The following ZNF438 variants were observed in gnomAD, a reference collection of about 807,000 sequenced individuals.
The protein encoded by ZNF438 is zinc finger protein 438.
Under a neutral mutation model 38.0 loss-of-function variants are expected in ZNF438, and 25 were observed. That is an observed-to-expected ratio of 0.66 (90% CI 0.48 to 0.92). The LOEUF (loss-of-function observed/expected upper bound fraction) is 0.92. Among genes scored for constraint, ZNF438 ranks in the 40% least tolerant of loss-of-function variants. The probability of loss-of-function intolerance (pLI) is 0.00; values close to 1 mark genes in which losing one functional copy is unlikely to be tolerated. For missense variants in ZNF438, 1,007 were observed against 999.6 expected (o/e 1.01, Z -0.10); for synonymous variants, 372 against 364.1 (o/e 1.02, Z -0.25).
At chr10:30,883,507 G>A (rs567163271) in intron 3 of ZNF438, among the ~76,000 whole-genome samples, 1 of 152,032 alleles carries the variant, frequency 6.6e-6, no homozygotes, top group South Asian at 2.1e-4. Flanking sequence ...TTATAATAAA[G>A]CCATTTTTAA....
At chr10:30,937,790 T>C (rs2046406461) in intron 2 of ZNF438, among the ~76,000 whole-genome samples, 1 of 152,242 alleles carries the variant, frequency 6.6e-6, no homozygotes, top group African/African-American at 2.4e-5. Context: ...GTTTCTTATT[T>C]CTCTTCCATT....
At chr10:30,991,946 A>G (rs2053548289) in intron 1 of ZNF438, among the ~76,000 whole-genome samples, 1 of 152,180 alleles carries the variant, frequency 6.6e-6, no homozygotes, top group South Asian at 2.1e-4. Context: ...CTGCCCCAAG[A>G]TCAACTCCTA....
intron 2 of ZNF438, among the ~76,000 whole-genome samples, chr10:30,931,829 G>A (rs2045732346): frequency 6.6e-6 from 1 of 152,160 alleles, no homozygotes; most frequent in Non-Finnish European, 1.5e-5. Context: ...GTGGAAAAAT[G>A]AAATAATATA....
chr10:31,005,481 C>G (rs2055041707), intron 1 of ZNF438, among the ~76,000 whole-genome samples: 1 of 151,876 alleles, frequency 6.6e-6, no homozygotes, highest in African/African-American at 2.4e-5. Flanking sequence ...ACTTAGAGAA[C>G]AAAATGATGG....
intron 1 of ZNF438, among the ~76,000 whole-genome samples, chr10:31,002,804 T>G (rs2054784769): frequency 6.6e-6 from 1 of 152,200 alleles, no homozygotes. Flanking sequence ...GGCCCTGAAA[T>G]GGCTATGACC....
At chr10:30,878,644 G>A (rs2038798701) in intron 3 of ZNF438, among the ~76,000 whole-genome samples, 1 of 152,014 alleles carries the variant, frequency 6.6e-6, no homozygotes, top group Non-Finnish European at 1.5e-5. Context: ...CAAGACAAGG[G>A]GCCCACTGAG....
At chr10:30,867,502 T>C (rs2036648581) in intron 4 of ZNF438, among the ~76,000 whole-genome samples, 2 of 152,212 alleles carry the variant, frequency 1.3e-5, no homozygotes, top group Admixed American at 6.5e-5. Context: ...ATGGTAAATA[T>C]TGACAGATAC....
intron 1 of ZNF438, among the ~76,000 whole-genome samples, chr10:30,978,611 A>G (rs1189641035): frequency 6.6e-6 from 1 of 152,170 alleles, no homozygotes; most frequent in Non-Finnish European, 1.5e-5. Flanking sequence ...CTGCCTCCAG[A>G]TCAGTCACAA....
chr10:30,989,616 G>A (rs575637850), intron 1 of ZNF438, among the ~76,000 whole-genome samples: 1 of 152,284 alleles, frequency 6.6e-6, no homozygotes, highest in East Asian at 1.9e-4. Flanking sequence ...GACATCTCCA[G>A]TCCTAAATGT....
exon 5 of ZNF438, chr10:30,849,752 G>A: frequency 6.2e-7 from 1 of 1,614,210 alleles, no homozygotes; most frequent in Non-Finnish European, 8.5e-7. Flanking sequence ...TGCTGGGGTA[G>A]CAGGAGGGTT....
intron 4 of ZNF438, among the ~76,000 whole-genome samples, chr10:30,866,915 G>C (rs2036538352): frequency 6.6e-6 from 1 of 152,084 alleles, no homozygotes; most frequent in South Asian, 2.1e-4. Context: ...GTATATGGAA[G>C]ATTTGCTTAA....
At chr10:30,889,644 G>C (rs1411905988) in intron 3 of ZNF438, among the ~76,000 whole-genome samples, 1 of 152,216 alleles carries the variant, frequency 6.6e-6, no homozygotes, top group Non-Finnish European at 1.5e-5. Context: ...GACCTGAAGT[G>C]ATCTGCCCAC....
At chr10:31,016,269 T>C (rs764063100) in intron 1 of ZNF438, among the ~76,000 whole-genome samples, 9 of 152,228 alleles carry the variant, frequency 5.9e-5, no homozygotes, top group Non-Finnish European at 1.2e-4. Flanking sequence ...GTAAGAGCTT[T>C]ATTTCTAAAG....
At chr10:30,981,012 C>T (rs149627352) in intron 1 of ZNF438, among the ~76,000 whole-genome samples, 1 of 152,332 alleles carries the variant, frequency 6.6e-6, no homozygotes, top group Non-Finnish European at 1.5e-5. Context: ...CTACCCCATC[C>T]CTGGTCTCTG....
At chr10:30,854,747 A>G (rs1249229976) in intron 4 of ZNF438, among the ~76,000 whole-genome samples, 4 of 152,204 alleles carry the variant, frequency 2.6e-5, no homozygotes, top group Non-Finnish European at 5.9e-5. Flanking sequence ...CAACGAAACA[A>G]GCAAGCTCTA....
chr10:30,902,803 T>G (rs2042170062), intron 3 of ZNF438, among the ~76,000 whole-genome samples: 1 of 152,174 alleles, frequency 6.6e-6, no homozygotes, highest in East Asian at 1.9e-4. Flanking sequence ...TCCCGCAGTG[T>G]GCCCGCACTC....
intron 1 of ZNF438, among the ~76,000 whole-genome samples, chr10:30,975,775 T>C (rs1341264999): frequency 6.6e-6 from 1 of 152,210 alleles, no homozygotes; most frequent in African/African-American, 2.4e-5. Context: ...ATAATTTTGA[T>C]GGTTTAAGAT....
chr10:30,954,295 G>A (rs1453954975), intron 1 of ZNF438, among the ~76,000 whole-genome samples: 1 of 152,102 alleles, frequency 6.6e-6, no homozygotes, highest in Non-Finnish European at 1.5e-5. Flanking sequence ...AGAAGTTAGA[G>A]GAAAATTTTT....
intron 3 of ZNF438, among the ~76,000 whole-genome samples, chr10:30,901,618 T>C (rs967994928): frequency 1.3e-5 from 2 of 152,136 alleles, no homozygotes; most frequent in African/African-American, 2.4e-5. Flanking sequence ...ACTCACTGCT[T>C]GGCGATAGGC....
Sources: gnomAD v4.1 joint callset for allele counts (sites outside exome capture counted in the v4.1 genomes callset) on GRCh38, gnomAD v4.1.1 for gene constraint, MANE v1.5 for transcripts, NCBI Gene and HGNC (gene_info 2026-07-23, HGNC 2026-07-21) for gene names.